Variants in EHD4 observed in about 807,000 individuals in gnomAD.
EHD4 encodes the protein EH domain-containing protein 4.
In EHD4, 37 loss-of-function variants were observed where a neutral mutation model predicts 51.0. The ratio of observed to expected loss-of-function variants is 0.73; its 90% CI spans 0.56 to 0.95. The LOEUF (loss-of-function observed/expected upper bound fraction) is 0.95. Ranked by LOEUF, EHD4 falls within the 40% of genes least tolerant of loss-of-function variation. The pLI, the probability that EHD4 is intolerant of heterozygous loss-of-function variation, is 0.00. For missense variants in EHD4, 632 were observed against 733.1 expected, an observed-to-expected ratio of 0.86 and a Z score of 1.59; for synonymous variants, 297 against 317.3, an observed-to-expected ratio of 0.94 and a Z score of 0.68.
intron 4 of EHD4, among the ~76,000 whole-genome samples, chr15:41,913,657 A>G (rs2067564220): frequency 6.6e-6 from 1 of 151,802 alleles, no homozygotes; most frequent in African/African-American, 2.4e-5. Flanking sequence ...ACTAATGGCC[A>G]AAGACCAACA....
At chr15:41,903,488 ACAC>A (rs2067492689) in intron 5 of EHD4, among the ~76,000 whole-genome samples, 7 of 151,072 alleles carry the variant, frequency 4.6e-5, no homozygotes, top group African/African-American at 1.7e-4. Context: ...ACACACACAC[ACAC>A]TGAAACAATA....
chr15:41,944,170 C>T (rs1183616702), intron 2 of EHD4, among the ~76,000 whole-genome samples: 3 of 152,174 alleles, frequency 2.0e-5, no homozygotes, highest in African/African-American at 7.2e-5. Context: ...GGCCTCCCTG[C>T]TCTGGGTCTT....
chr15:41,949,051 TAC>T (rs1168501155), intron 2 of EHD4, among the ~76,000 whole-genome samples: 3 of 109,430 alleles, frequency 2.7e-5, no homozygotes, highest in Non-Finnish European at 5.5e-5. Flanking sequence ...TATATATATA[TAC>T]ACACATACAC....
chr15:41,926,442 G>T (rs912416818), intron 3 of EHD4, among the ~76,000 whole-genome samples: 1 of 152,132 alleles, frequency 6.6e-6, no homozygotes, highest in Admixed American at 6.5e-5. Flanking sequence ...ACTGCCCCCA[G>T]CACTTTCTGT....
At chr15:41,966,563 C>T (rs572311799) in intron 1 of EHD4, among the ~76,000 whole-genome samples, 1 of 152,230 alleles carries the variant, frequency 6.6e-6, no homozygotes, top group African/African-American at 2.4e-5. Context: ...AGACTCAAGC[C>T]TGAGACTTTT....
intron 4 of EHD4, among the ~76,000 whole-genome samples, chr15:41,913,965 C>A (rs2067566290): frequency 6.6e-6 from 1 of 152,134 alleles, no homozygotes; most frequent in Non-Finnish European, 1.5e-5. Flanking sequence ...AAAGGAAAGT[C>A]CTTCCTTTTA....
At chr15:41,917,667 G>A (rs2067593890) in intron 4 of EHD4, among the ~76,000 whole-genome samples, 1 of 152,190 alleles carries the variant, frequency 6.6e-6, no homozygotes, top group South Asian at 2.1e-4. Context: ...GGATCACCGA[G>A]TGGAAAAACA....
chr15:41,900,506 C>A lies in EHD4; in HGVS notation c.*139G>T. 2 of 852,256 alleles carry A rather than the reference C, an allele frequency of 2.3e-6. No homozygotes were observed. The highest frequency in any genetic ancestry group is 3.5e-6 in the Non-Finnish European group (2 of 568,740). 52.8% of individuals were successfully genotyped at this position (852,256 alleles called of 1,614,324 possible). On this transcript the variant is annotated 3_prime_UTR_variant, in exon 6 of 6. Coordinates refer to ENST00000220325, the MANE Select transcript of EHD4 (RefSeq NM_139265.4). The surrounding 1 kb of genome is among the most constrained non-coding windows in gnomAD (Gnocchi z 4.8). ...AAAGAAGTCATCTAGTTTCCAGTGT[C>A]CACCCTCCCCATTCTACAGATGGGG...
intron 3 of EHD4, among the ~76,000 whole-genome samples, chr15:41,927,351 C>T (rs1022482536): frequency 1.3e-4 from 20 of 152,200 alleles, no homozygotes; most frequent in African/African-American, 4.8e-4. Context: ...TCTGCACACC[C>T]ATGTTCACTG....
chr15:41,914,429 G>C (rs2067569779), intron 4 of EHD4, among the ~76,000 whole-genome samples: 1 of 152,046 alleles, frequency 6.6e-6, no homozygotes, highest in Non-Finnish European at 1.5e-5. Context: ...GGTAACAAGA[G>C]TGTGAGACTG....
intron 1 of EHD4, among the ~76,000 whole-genome samples, chr15:41,963,934 A>G (rs1471004218): frequency 1.3e-5 from 2 of 151,966 alleles, no homozygotes; most frequent in East Asian, 3.9e-4. Context: ...TCATGAAGTC[A>G]GGAGATCGAG....
intron 3 of EHD4, among the ~76,000 whole-genome samples, chr15:41,932,792 A>C (rs2067707282): frequency 1.3e-5 from 2 of 151,776 alleles, no homozygotes; most frequent in Non-Finnish European, 2.9e-5. Flanking sequence ...ACGCACCCTC[A>C]CCGCCCCTGC....
At chr15:41,923,941 C>T (rs1385684193) in intron 3 of EHD4, among the ~76,000 whole-genome samples, 2 of 152,212 alleles carry the variant, frequency 1.3e-5, no homozygotes, top group Non-Finnish European at 2.9e-5. Flanking sequence ...AGAAAGCCAG[C>T]CCAAACCCTA....
intron 3 of EHD4, among the ~76,000 whole-genome samples, chr15:41,936,459 T>C (rs1192234267): frequency 6.6e-6 from 1 of 152,188 alleles, no homozygotes; most frequent in Non-Finnish European, 1.5e-5. Flanking sequence ...TTAGCTATTA[T>C]TATTATTACT....
chr15:41,972,556 C>A lies in EHD4; in HGVS notation c.-62G>T. ...CGGGTTCGACTCTCCCCGGCTCGCA[C>A]TGAGCCGCCCCGGCCGCGCTGGCCG... On this transcript the variant is annotated 5_prime_UTR_variant, in exon 1 of 6. Transcript: ENST00000220325. The A allele has an allele frequency of 7.2e-7, 1 of 1,384,994 alleles. No homozygotes were observed. The highest frequency in any genetic ancestry group is 3.7e-5 in the Admixed American group (1 of 26,814). 85.8% of individuals were successfully genotyped at this position (1,384,994 alleles called of 1,614,324 possible). A position where few individuals can be genotyped will look rare whatever the true frequency, so the allele number is the denominator to read the frequency against.
intron 4 of EHD4, among the ~76,000 whole-genome samples, chr15:41,917,913 C>T (rs891590941): frequency 1.3e-5 from 2 of 152,184 alleles, no homozygotes; most frequent in African/African-American, 4.8e-5. Flanking sequence ...GGGAGGAATG[C>T]ATGCACACGC....
At position 41,898,090 on chromosome 15, in the gene EHD4, T is replaced by C. The variant is rs927524788; in HGVS notation, c.*2555A>G. 6.6e-6 allele frequency: 1 copy of C among 152,266 alleles called. No individual in the cohort carries two copies. The highest frequency in any genetic ancestry group is 2.4e-5 in the African/African-American group (1 of 41,474). The allele number at this position is 152,266 out of a possible 1,614,324, so 9.4% of individuals were successfully genotyped here. ...TGTTTTCTTTTCCAGTCAACTTTTC[T>C]TGATGAATGACTGCATGTAAGAGGA... On this transcript the variant is annotated 3_prime_UTR_variant, in exon 6 of 6. Transcript: ENST00000220325.
At chr15:41,916,812 T>C (rs551089058) in intron 4 of EHD4, among the ~76,000 whole-genome samples, 1 of 152,306 alleles carries the variant, frequency 6.6e-6, no homozygotes, top group Admixed American at 6.5e-5. Flanking sequence ...CAAATACCCA[T>C]ACTTCAAACA....
chr15:41,918,057 C>T (rs2067597080), intron 4 of EHD4, among the ~76,000 whole-genome samples: 2 of 152,126 alleles, frequency 1.3e-5, no homozygotes, highest in African/African-American at 4.8e-5. Flanking sequence ...GGACAGGCTG[C>T]TAATGAGCAG....
Sources: gnomAD v4.1 joint callset for allele counts (sites outside exome capture counted in the v4.1 genomes callset) on GRCh38, gnomAD v4.1.1 for gene constraint, Gnocchi (gnomAD v3.1) non-coding constraint, MANE v1.5 for transcripts, NCBI Gene and HGNC (gene_info 2026-07-23, HGNC 2026-07-21) for gene names.